The following MAL variants were observed in gnomAD, a reference collection of about 807,000 sequenced individuals.
MAL encodes the protein myelin and lymphocyte protein.
A neutral mutation model predicts 16.7 loss-of-function variants in MAL; 5 were observed. That is an observed-to-expected ratio of 0.30 (90% CI 0.16 to 0.63). The LOEUF is 0.63. Among genes scored for constraint, MAL ranks in the 30% least tolerant of loss-of-function variants. The probability of loss-of-function intolerance (pLI) is 0.82; values close to 1 mark genes in which losing one functional copy is unlikely to be tolerated. For synonymous variants in MAL, 96 were observed against 85.5 expected (o/e 1.12, Z -0.67); for missense variants, 202 against 195.8 (o/e 1.03, Z -0.19).
chr2:95,042,021 C>T (rs1573296792), intron 1 of MAL, among the ~76,000 whole-genome samples: 1 of 152,208 alleles, frequency 6.6e-6, no homozygotes, highest in Non-Finnish European at 1.5e-5. Context: ...TGCACCCTCT[C>T]AGTCCCCATC....
At chr2:95,032,223 C>T (rs915000266) in intron 1 of MAL, among the ~76,000 whole-genome samples, 4 of 152,376 alleles carry the variant, frequency 2.6e-5, no homozygotes, top group East Asian at 1.9e-4. Context: ...CACCTATACT[C>T]GCCACACCAG....
chr2:95,025,816 G>T lies in MAL; in HGVS notation c.24G>T (p.Gly8=). 6.4e-7 allele frequency: 1 copy of T among 1,569,834 alleles called. No homozygotes were observed. Among genetic ancestry groups the T allele is most frequent in the South Asian group, 1.2e-5 (1 of 84,286 alleles). The change falls in exon 1 of 4, where the codon GGG becomes GGT. Residue 8 remains glycine (G), a synonymous_variant. Coordinates refer to ENST00000309988, the MANE Select transcript of MAL (RefSeq NM_002371.4). This position sits in a 1 kb window ranked among gnomAD's most constrained non-coding sequence, Gnocchi z 5.6. ...TCATGGCCCCCGCAGCGGCGACGGG[G>T]GGCAGCACCCTGCCCAGTGGCTTCT... is the stretch of plus-strand genomic sequence containing the variant. The part of the protein sequence containing the change: MAPAAAT[G]GSTLPSGFSV...
intron 1 of MAL, among the ~76,000 whole-genome samples, chr2:95,038,346 A>G (rs192810843): frequency 0.012 from 668 of 56,914 alleles, no homozygotes; most frequent in Middle Eastern, 0.037. Context: ...GTGAGTGAGT[A>G]ACTGAGTGAG....
intron 1 of MAL, chr2:95,044,756 G>C (rs1674545450): frequency 6.6e-6 from 1 of 152,268 alleles, no homozygotes; most frequent in Non-Finnish European, 1.5e-5. Context: ...GCAGAGTCTG[G>C]CCTGACCTCA....
In MAL at chr2:95,038,992, C is replaced by A. The variant is rs529140311; in HGVS notation, c.94-8967C>A. ...AGTGACTGAGTGAGTGACCGAGTGA[C>A]TGAGTGAGTGACTGAGTGGGTGAGT... On this transcript the variant is annotated intron_variant, in intron 1 of 3. Transcript: ENST00000309988. Among the ~76,000 whole-genome samples, 5 of 115,442 alleles carry A rather than the reference C, an allele frequency of 4.3e-5. No individual in the cohort carries two copies. The East Asian group carries it at 1.4e-3, about 31-fold the overall frequency. The allele number at this position is 115,442 out of a possible 152,430, so 75.7% of individuals were successfully genotyped here.
chr2:95,034,400 G>A (rs1474056732), intron 1 of MAL, among the ~76,000 whole-genome samples: 1 of 152,218 alleles, frequency 6.6e-6, no homozygotes. Context: ...GCATCACCCT[G>A]CCAGCCTGGT....
intron 1 of MAL, among the ~76,000 whole-genome samples, chr2:95,028,785 A>C (rs1471954257): frequency 6.6e-6 from 1 of 152,278 alleles, no homozygotes; most frequent in Non-Finnish European, 1.5e-5. Flanking sequence ...TATGCTAAGC[A>C]AAAGACACAA....
At chr2:95,038,332 CTGAGTGAG>C (rs1222197912) in intron 1 of MAL, among the ~76,000 whole-genome samples, 2 of 125,574 alleles carry the variant, frequency 1.6e-5, no homozygotes, top group African/African-American at 3.1e-5. Flanking sequence ...GAGTGAGTGA[CTGAGTGAG>C]TGAGTAACTG....
At chr2:95,038,904 G>GTGAC (rs1460998754) in intron 1 of MAL, among the ~76,000 whole-genome samples, 3 of 151,518 alleles carry the variant, frequency 2.0e-5, no homozygotes, top group Non-Finnish European at 2.9e-5. Flanking sequence ...GGGTGAGTGA[G>GTGAC]TGACTAAGTG....
chr2:95,049,810 CTT>C lies in MAL; in HGVS notation c.387+107_387+108del. The C allele has an allele frequency of 2.0e-6, 3 of 1,489,200 alleles. No individual in the cohort carries two copies. In the South Asian group the frequency reaches 3.8e-5, roughly 19 times the overall value. 92.2% of individuals were successfully genotyped at this position (1,489,200 alleles called of 1,614,324 possible). Reference sequence around the variant, plus strand: ...CCTTGGTCTGTTTTCAGTTCACTAACTTTTGAGTGAGGTCAAACCTTGCCTTC... The same window carrying C: ...CCTTGGTCTGTTTTCAGTTCACTAACTTGAGTGAGGTCAAACCTTGCCTTC... On this transcript the variant is annotated intron_variant, in intron 3 of 3. Coordinates refer to ENST00000309988, the MANE Select transcript of MAL (RefSeq NM_002371.4).
At chr2:95,039,324 G>C (rs543497951) in intron 1 of MAL, among the ~76,000 whole-genome samples, 2 of 151,032 alleles carry the variant, frequency 1.3e-5, no homozygotes, top group South Asian at 4.2e-4. Flanking sequence ...GAGTGAGTGA[G>C]TGACTGAGTG....
rs1430991414 is a variant in MAL, at chr2:95,049,687, A to G, written c.368A>G (p.His123Arg). The stretch of plus-strand genomic sequence containing the variant: ...GACGGCTTCACCTACAGGCACTACC[A>G]TGAAAACATTGCTGCCGTGGTGAGT... ...MQDGFTYRHY[H>R]ENIAAVVFSY... is the part of the protein sequence containing the mutation. The change falls in exon 3 of 4, where the codon CAT becomes CGT. Residue 123 changes from histidine to arginine, a missense_variant. By Grantham distance (29) the His-to-Arg change is conservative. Transcript: ENST00000309988. 2 of 1,614,046 alleles carry G rather than the reference A, an allele frequency of 1.2e-6. No homozygotes were observed. Among genetic ancestry groups the G allele is most frequent in the Non-Finnish European group, 1.7e-6 (2 of 1,179,984 alleles).
intron 1 of MAL, among the ~76,000 whole-genome samples, chr2:95,032,082 G>A (rs1674097826): frequency 6.6e-6 from 1 of 152,264 alleles, no homozygotes; most frequent in Non-Finnish European, 1.5e-5. Context: ...TCACAGGGAT[G>A]GGGCAATGCC....
Position 95,025,841 on chromosome 2 carries a change from TC to T in MAL, c.50del (p.Ser17TrpfsTer39). The stretch of plus-strand genomic sequence containing the variant: ...GGGCAGCACCCTGCCCAGTGGCTTC[TC>T]GGTCTTCACCACCTTGCCCGACTTG... ...TGGSTLPSGF[S>X]VFTTLPDLLF... On this transcript the variant is annotated frameshift_variant, in exon 1 of 4. Transcript: ENST00000309988. LOFTEE classifies it high-confidence loss of function. The surrounding 1 kb of genome is among the most constrained non-coding windows in gnomAD (Gnocchi z 5.6). 3.8e-6 allele frequency: 6 copies of T among 1,578,954 alleles called. No homozygotes were observed. The highest frequency in any genetic ancestry group is 5.2e-6 in the Non-Finnish European group (6 of 1,163,348).
In MAL at chr2:95,053,389, C is replaced by G. The variant is rs1355851054; in HGVS notation, c.396C>G (p.Ser132=). The G allele has an allele frequency of 1.9e-6, 3 of 1,612,546 alleles. No homozygotes were observed. The highest frequency in any genetic ancestry group is 2.5e-6 in the Non-Finnish European group (3 of 1,178,770). The change falls in exon 4 of 4, where the codon TCC becomes TCG. Residue 132 remains serine, a synonymous_variant. Transcript: ENST00000309988. ...ATTTCTCTTGGTTCCAGGTGTTCTC[C>G]TACATAGCCACTCTGCTCTACGTGG... ...YHENIAAVVF[S]YIATLLYVVH...
At chr2:95,049,422 C>T (rs558332246) in intron 2 of MAL, among the ~76,000 whole-genome samples, 159 bp from the exon 3 acceptor site, 5 of 150,882 alleles carry the variant, frequency 3.3e-5, no homozygotes, top group Non-Finnish European at 7.4e-5. Context: ...AGACTCAGCA[C>T]AGCAGGGCAG....
chr2:95,032,780 C>G (rs1674115233), intron 1 of MAL, among the ~76,000 whole-genome samples: 1 of 152,188 alleles, frequency 6.6e-6, no homozygotes, highest in South Asian at 2.1e-4. Context: ...AGCAGTGTAG[C>G]CATTTCCCTT....
At chr2:95,038,930 G>A (rs1573293820) in intron 1 of MAL, among the ~76,000 whole-genome samples, 1 of 151,968 alleles carries the variant, frequency 6.6e-6, no homozygotes, top group African/African-American at 2.4e-5. Context: ...CTGAGTAGGT[G>A]AGTGAGTGAC....
At chr2:95,028,548 C>A (rs1674004534) in intron 1 of MAL, among the ~76,000 whole-genome samples, 1 of 152,058 alleles carries the variant, frequency 6.6e-6, no homozygotes, top group Admixed American at 6.5e-5. Context: ...ACCCTCTGAC[C>A]CAGCAATTCC....
Sources: allele counts gnomAD v4.1 joint callset (sites outside exome capture counted in the v4.1 genomes callset), GRCh38; gene constraint gnomAD v4.1.1; non-coding constraint Gnocchi (gnomAD v3.1); transcripts MANE v1.5; gene names NCBI Gene and HGNC (gene_info 2026-07-23, HGNC 2026-07-21).